CYTH3: variants seen among roughly 807,000 people sequenced by gnomAD.
The protein encoded by CYTH3 is cytohesin 3, also known as cytohesin-3.
A neutral mutation model predicts 55.1 loss-of-function variants in CYTH3; 23 were observed. The observed-to-expected ratio is 0.42, with a 90% CI of 0.30 to 0.59. CYTH3 has a LOEUF of 0.59. CYTH3 is among the 20% of genes least tolerant of loss of function. CYTH3 has a pLI of 0.20. For synonymous variants in CYTH3, 249 were observed against 194.9 expected, an observed-to-expected ratio of 1.28 and a Z score of -2.31; for missense variants, 413 against 524.8, an observed-to-expected ratio of 0.79 and a Z score of 2.08.
intron 1 of CYTH3, among the ~76,000 whole-genome samples, chr7:6,220,648 G>A (rs115933563): frequency 4.4e-4 from 66 of 151,704 alleles, no homozygotes; most frequent in African/African-American, 1.5e-3. Context: ...ATTGCTGGTG[G>A]GAACATAAAA....
intron 4 of CYTH3, among the ~76,000 whole-genome samples, chr7:6,186,487 C>G (rs1401002598): frequency 6.6e-6 from 1 of 152,166 alleles, no homozygotes; most frequent in Non-Finnish European, 1.5e-5. Flanking sequence ...TTTCGAGTGT[C>G]TCCCTAGAAA....
chr7:6,255,795 C>T (rs893878834), intron 1 of CYTH3, among the ~76,000 whole-genome samples: 15 of 141,334 alleles, frequency 1.1e-4, no homozygotes, highest in Admixed American at 3.6e-4. Context: ...ATGGAATCTC[C>T]CTCTGTCACC....
At chr7:6,165,503 C>T (rs1223578084) in intron 11 of CYTH3, 42 bp downstream of exon 11, 2 of 1,610,610 alleles carry the variant, frequency 1.2e-6, no homozygotes, top group Non-Finnish European at 1.7e-6. Flanking sequence ...GGATGGCTCC[C>T]AGGTGGCTGG....
intron 4 of CYTH3, among the ~76,000 whole-genome samples, chr7:6,179,999 A>C (rs1217773885): frequency 6.6e-6 from 1 of 152,054 alleles, no homozygotes; most frequent in Non-Finnish European, 1.5e-5. Context: ...AAGTTCCCTG[A>C]AAACAGAGCC....
Position 6,167,504 on chromosome 7 carries a change from TCCAGCTGCACTGGTG to T in CYTH3, c.824-1709_824-1695del, listed in dbSNP as rs1226690987. ...CCAGAGACTCCAGAGCAGGCCCCGCTCCAGCTGCACTGGTGCCAGCTGCCATCCCCCAAACAGCGG... is the reference window on the plus strand; with the variant it reads ...CCAGAGACTCCAGAGCAGGCCCCGCTCCAGCTGCCATCCCCCAAACAGCGG... On this transcript the variant is annotated intron_variant, in intron 9 of 12. Transcript: ENST00000350796. The surrounding 1 kb of genome is among the most constrained non-coding windows in gnomAD (Gnocchi z 5.5). Among the ~76,000 whole-genome samples the T allele has an allele frequency of 6.6e-6, 1 of 152,216 alleles. No individual in the cohort carries two copies. The highest frequency in any genetic ancestry group is 2.4e-5 in the African/African-American group (1 of 41,452).
intron 4 of CYTH3, among the ~76,000 whole-genome samples, chr7:6,179,905 A>C (rs1481371426): frequency 1.4e-4 from 15 of 108,528 alleles, no homozygotes; most frequent in South Asian, 3.3e-4. Context: ...CCCACACACA[A>C]CCACACACAC....
Position 6,263,572 on chromosome 7 carries a change from G to C in CYTH3, c.34+8902C>G, listed in dbSNP as rs536659648. Among the ~76,000 whole-genome samples, 411 of 152,266 alleles carry C rather than the reference G, an allele frequency of 2.7e-3. 3 individuals carry two copies. Among genetic ancestry groups the C allele is most frequent in the Middle Eastern group, 0.01 (3 of 294 alleles). On this transcript the variant is annotated intron_variant, in intron 1 of 12. Transcript: ENST00000350796. The stretch of plus-strand genomic sequence containing the variant: ...AGAATTTGGAAGGCCGAGGCAGGCG[G>C]ATCACTTGAGGTCAGGAGTTCAAGA...
rs546468217 is a variant in CYTH3, at chr7:6,229,319, A to G, written c.35-38788T>C. On this transcript the variant is annotated intron_variant, in intron 1 of 12. Coordinates refer to ENST00000350796, the MANE Select transcript of CYTH3 (RefSeq NM_004227.4). Reference sequence around the variant, plus strand: ...TTAAAAACAGTCTCTTTAAACTTATAAAGAAATTATACTTCACTGATATCA... The same window carrying G: ...TTAAAAACAGTCTCTTTAAACTTATGAAGAAATTATACTTCACTGATATCA... 6.6e-5 allele frequency among the ~76,000 whole-genome samples: 10 copies of G among 152,266 alleles called. No individual in the cohort carries two copies. In the East Asian group the frequency reaches 1.9e-3, roughly 29 times the overall value.
At chr7:6,166,851 C>G (rs910321763) in intron 9 of CYTH3, among the ~76,000 whole-genome samples, 1 of 152,186 alleles carries the variant, frequency 6.6e-6, no homozygotes, top group Non-Finnish European at 1.5e-5. Flanking sequence ...CAGCCTGGAA[C>G]AGGAGCCCAG....
At chr7:6,248,190 A>T in intron 1 of CYTH3, among the ~76,000 whole-genome samples, 1 of 146,990 alleles carries the variant, frequency 6.8e-6, no homozygotes, top group African/African-American at 2.5e-5. Flanking sequence ...ATGTTGCTTT[A>T]TTCTTTATTT....
Position 6,171,255 on chromosome 7 carries a change from T to TC in CYTH3, c.508dup (p.Glu170GlyfsTer42), listed in dbSNP as rs1426181096. On this transcript the variant is annotated frameshift_variant, in exon 7 of 13. Coordinates refer to ENST00000350796, the MANE Select transcript of CYTH3 (RefSeq NM_004227.4). LOFTEE classifies it high-confidence loss of function. The surrounding 1 kb of genome is among the most constrained non-coding windows in gnomAD (Gnocchi z 6.7). ...CAGGCAGTAGCGAGAAGCGAAAGCC[T>TC]CCATCATGCGATCAATCTTCTGCGC... The TC allele has an allele frequency of 6.2e-7, 1 of 1,614,116 alleles. No homozygotes were observed. The highest frequency in any genetic ancestry group is 8.5e-7 in the Non-Finnish European group (1 of 1,179,996).
intron 1 of CYTH3, among the ~76,000 whole-genome samples, chr7:6,245,675 C>T (rs1016058948): frequency 6.6e-6 from 1 of 152,224 alleles, no homozygotes; most frequent in Admixed American, 6.5e-5. Flanking sequence ...GAGGCCGAGG[C>T]AGGCGGATCA....
intron 1 of CYTH3, among the ~76,000 whole-genome samples, chr7:6,239,345 C>G (rs1779614329): frequency 6.6e-6 from 1 of 152,160 alleles, no homozygotes; most frequent in South Asian, 2.1e-4. Flanking sequence ...GTCTCCATCC[C>G]CAGCTCTGAC....
chr7:6,164,804 A>AG lies in CYTH3; in HGVS notation c.*139_*140insC, dbSNP rs1782938660. On this transcript the variant is annotated 3_prime_UTR_variant, in exon 13 of 13. Coordinates refer to ENST00000350796, the MANE Select transcript of CYTH3 (RefSeq NM_004227.4). ...CACGGCACGAGGCCTTGGGGATACC[A>AG]CCTGGGCCACGGTATGCTCTGGAGC... 1 of 952,364 alleles carries AG rather than the reference A, an allele frequency of 1.1e-6. No individual in the cohort carries two copies. The highest frequency in any genetic ancestry group is 1.6e-6 in the Non-Finnish European group (1 of 608,064). The allele number at this position is 952,364 out of a possible 1,614,324, so 59.0% of individuals were successfully genotyped here. A position where few individuals can be genotyped will look rare whatever the true frequency, so the allele number is the denominator to read the frequency against.
intron 1 of CYTH3, among the ~76,000 whole-genome samples, chr7:6,215,128 C>G (rs1489460430): frequency 8.5e-5 from 13 of 152,138 alleles, no homozygotes; most frequent in Admixed American, 8.5e-4. Context: ...TTTAAAACGC[C>G]ACTCCACAAC....
intron 1 of CYTH3, among the ~76,000 whole-genome samples, chr7:6,259,773 T>A (rs12537968): frequency 0.012 from 272 of 22,276 alleles, 20 homozygotes; most frequent in African/African-American, 0.098. Flanking sequence ...ATATATATAT[T>A]ATATATATAT....
rs776819156 is a variant in CYTH3 at position 6,176,254 on chromosome 7, A to ATTTTT, written c.368+1564_368+1568dup. ...TTGCTATTGTATAGAAATACAATTG[A>ATTTTT]TTTTTTTTTTTTTTTTTTTTTTTTT... On this transcript the variant is annotated intron_variant, in intron 5 of 12. Transcript: ENST00000350796. Among the ~76,000 whole-genome samples the ATTTTT allele has an allele frequency of 3.9e-3, 325 of 82,884 alleles. 3 individuals carry two copies. Among genetic ancestry groups the ATTTTT allele is most frequent in the Middle Eastern group, 0.012 (1 of 82 alleles). 54.4% of individuals were successfully genotyped at this position (82,884 alleles called of 152,430 possible). A position where few individuals can be genotyped will look rare whatever the true frequency, so the allele number is the denominator to read the frequency against.
chr7:6,185,781 A>G (rs1454096854), intron 4 of CYTH3, among the ~76,000 whole-genome samples: 4 of 152,034 alleles, frequency 2.6e-5, no homozygotes, highest in Non-Finnish European at 5.9e-5. Context: ...GGAAATAACG[A>G]CATGCACTTC....
intron 10 of CYTH3, 42 bp downstream of exon 10, chr7:6,165,692 G>A (rs376635813): frequency 7.8e-5 from 126 of 1,613,476 alleles, no homozygotes; most frequent in Non-Finnish European, 9.1e-5. Flanking sequence ...GGGCAGCTCC[G>A]GGACTGCTGG....
Sources: allele counts gnomAD v4.1 joint callset (sites outside exome capture counted in the v4.1 genomes callset), GRCh38; gene constraint gnomAD v4.1.1; non-coding constraint Gnocchi (gnomAD v3.1); transcripts MANE v1.5; gene names NCBI Gene and HGNC (gene_info 2026-07-23, HGNC 2026-07-21).